Variants in CPNE8 observed in about 807,000 individuals in gnomAD.
CPNE8 encodes the protein copine 8, also known as copine-8.
In CPNE8, 45 loss-of-function variants were observed where a neutral mutation model predicts 81.5. The observed-to-expected ratio is 0.55, with a 90% CI of 0.44 to 0.71. The LOEUF (loss-of-function observed/expected upper bound fraction) is 0.71, where lower values mean the gene tolerates loss of function less well. CPNE8 is among the 30% of genes least tolerant of loss of function. The probability of loss-of-function intolerance (pLI) is 0.00; values close to 1 mark genes in which losing one functional copy is unlikely to be tolerated. For missense variants in CPNE8, 594 were observed against 672.1 expected, an observed-to-expected ratio of 0.88 and a Z score of 1.28; for synonymous variants, 252 against 226.3, an observed-to-expected ratio of 1.11 and a Z score of -1.02.
At chr12:38,823,766 G>A (rs1255949405) in intron 6 of CPNE8, among the ~76,000 whole-genome samples, 3 of 151,970 alleles carry the variant, frequency 2.0e-5, no homozygotes, top group Non-Finnish European at 4.4e-5. Flanking sequence ...TTCTTAAACC[G>A]GTGCTGATTC....
At chr12:38,883,895 C>A (rs922367256) in intron 1 of CPNE8, among the ~76,000 whole-genome samples, 7 of 152,194 alleles carry the variant, frequency 4.6e-5, no homozygotes, top group Non-Finnish European at 1.5e-5. Context: ...GTAGAGAATT[C>A]TCTAAACATT....
chr12:38,652,336 A>T lies in CPNE8; in HGVS notation c.*1546T>A, dbSNP rs566955561. The T allele has an allele frequency of 6.6e-6, 1 of 152,504 alleles. No individual in the cohort carries two copies. The highest frequency in any genetic ancestry group is 2.4e-5 in the African/African-American group (1 of 41,454). 9.4% of individuals were successfully genotyped at this position (152,504 alleles called of 1,614,324 possible). A position where few individuals can be genotyped will look rare whatever the true frequency, so the allele number is the denominator to read the frequency against. On this transcript the variant is annotated 3_prime_UTR_variant, in exon 20 of 20. Transcript: ENST00000331366. ...ATCATCAAACTATTGTCATTCATAC[A>T]TGAAACGTACAAAGCAAATAGTTAT...
intron 1 of CPNE8, among the ~76,000 whole-genome samples, chr12:38,891,755 C>T (rs1244554884): frequency 6.6e-6 from 1 of 152,142 alleles, no homozygotes; most frequent in African/African-American, 2.4e-5. Flanking sequence ...CCAATATAAA[C>T]TAATATTTTT....
chr12:38,756,412 A>G (rs1941461045), intron 10 of CPNE8, among the ~76,000 whole-genome samples: 1 of 148,904 alleles, frequency 6.7e-6, no homozygotes, highest in East Asian at 2.0e-4. Context: ...AGAAAGCAGT[A>G]GCATGATCAT....
chr12:38,880,096 T>A (rs942029549), intron 1 of CPNE8, among the ~76,000 whole-genome samples: 1 of 152,216 alleles, frequency 6.6e-6, no homozygotes, highest in Non-Finnish European at 1.5e-5. Context: ...CAAACAATGC[T>A]TTATCATTTT....
intron 5 of CPNE8, among the ~76,000 whole-genome samples, chr12:38,836,453 G>A (rs1295825363): frequency 6.6e-6 from 1 of 151,962 alleles, no homozygotes; most frequent in Non-Finnish European, 1.5e-5. Context: ...TCAAAAAACA[G>A]GAATTTGACC....
At chr12:38,668,119 C>T (rs1939100113) in intron 19 of CPNE8, among the ~76,000 whole-genome samples, 1 of 151,980 alleles carries the variant, frequency 6.6e-6, no homozygotes, top group Admixed American at 6.6e-5. Context: ...TTTCAAGAAG[C>T]AAAAACTTAT....
intron 3 of CPNE8, among the ~76,000 whole-genome samples, chr12:38,857,234 A>G (rs1482104928): frequency 6.6e-6 from 1 of 152,164 alleles, no homozygotes; most frequent in Non-Finnish European, 1.5e-5. Context: ...GCCTTTACAC[A>G]AGAGACACAC....
In CPNE8 at chr12:38,873,001, T is replaced by TAG; in HGVS notation, c.186+2_186+3insCT. 1 of 1,521,008 alleles carries TAG rather than the reference T, an allele frequency of 6.6e-7. No homozygotes were observed. The highest frequency in any genetic ancestry group is 9.1e-7 in the Non-Finnish European group (1 of 1,099,968). The allele number at this position is 1,521,008 out of a possible 1,614,324, so 94.2% of individuals were successfully genotyped here. On this transcript the variant is annotated splice_region_variant and intron_variant, in intron 3 of 19. Coordinates refer to ENST00000331366, the MANE Select transcript of CPNE8 (RefSeq NM_153634.3). Reference sequence around the variant, plus strand: ...GATTTTTTTAAAAAAGTTTTAAACTTACCTCTCTCCATTCTTTATTTCCAA... The same window carrying TAG: ...GATTTTTTTAAAAAAGTTTTAAACTTAGACCTCTCTCCATTCTTTATTTCCAA...
chr12:38,797,462 A>G (rs1942518716), intron 6 of CPNE8, among the ~76,000 whole-genome samples: 1 of 152,164 alleles, frequency 6.6e-6, no homozygotes, highest in Non-Finnish European at 1.5e-5. Context: ...CCTCCAGCAA[A>G]CTCCAACAGA....
chr12:38,896,060 A>G (rs1944384166), intron 1 of CPNE8, among the ~76,000 whole-genome samples: 1 of 152,150 alleles, frequency 6.6e-6, no homozygotes, highest in Non-Finnish European at 1.5e-5. Flanking sequence ...TTGTCTGACA[A>G]AGAGTTAGAT....
chr12:38,711,765 G>C (rs886520125), intron 13 of CPNE8, among the ~76,000 whole-genome samples: 1 of 152,068 alleles, frequency 6.6e-6, no homozygotes, highest in African/African-American at 2.4e-5. Flanking sequence ...CACTACGCCC[G>C]GCCCAAGTAT....
intron 14 of CPNE8, among the ~76,000 whole-genome samples, chr12:38,696,421 G>A (rs1939799319): frequency 6.6e-6 from 1 of 151,214 alleles, no homozygotes; most frequent in South Asian, 2.1e-4. Context: ...AACTCCTTGA[G>A]TCTGGGACAG....
At chr12:38,895,930 C>T (rs1393514261) in intron 1 of CPNE8, among the ~76,000 whole-genome samples, 1 of 152,032 alleles carries the variant, frequency 6.6e-6, no homozygotes, top group African/African-American at 2.4e-5. Flanking sequence ...GTGACTTAAA[C>T]CAAATTACTT....
chr12:38,752,943 C>G (rs1181720842), intron 10 of CPNE8, among the ~76,000 whole-genome samples: 1 of 152,038 alleles, frequency 6.6e-6, no homozygotes, highest in African/African-American at 2.4e-5. Flanking sequence ...AGTAATTAAT[C>G]TGAATGACAA....
At chr12:38,793,917 T>C (rs1172209835) in intron 6 of CPNE8, among the ~76,000 whole-genome samples, 2 of 152,022 alleles carry the variant, frequency 1.3e-5, no homozygotes, top group African/African-American at 2.4e-5. Flanking sequence ...TACACCCTAA[T>C]GTACATGATA....
At chr12:38,660,293 G>C (rs963835473) in intron 19 of CPNE8, among the ~76,000 whole-genome samples, 3 of 152,054 alleles carry the variant, frequency 2.0e-5, no homozygotes, top group Non-Finnish European at 2.9e-5. Flanking sequence ...CAGAACAGAG[G>C]CCTCAGAAAT....
At chr12:38,796,898 C>G (rs566175979) in intron 6 of CPNE8, among the ~76,000 whole-genome samples, 6 of 152,112 alleles carry the variant, frequency 3.9e-5, no homozygotes, top group Non-Finnish European at 7.4e-5. Flanking sequence ...GATTATATCC[C>G]GCACATGGCT....
intron 6 of CPNE8, among the ~76,000 whole-genome samples, chr12:38,828,893 A>C (rs1242572441): frequency 2.6e-5 from 4 of 152,210 alleles, no homozygotes. Flanking sequence ...TAGTAATTGA[A>C]GGTGAAGATG....
Sources: gnomAD v4.1 joint callset for allele counts (sites outside exome capture counted in the v4.1 genomes callset) on GRCh38, gnomAD v4.1.1 for gene constraint, MANE v1.5 for transcripts, NCBI Gene and HGNC (gene_info 2026-07-23, HGNC 2026-07-21) for gene names.